The following DZIP1 variants were observed in gnomAD, a reference collection of about 807,000 sequenced individuals.
DZIP1 encodes DAZ interacting zinc finger protein 1, also known as cilium assembly protein DZIP1.
Under a neutral mutation model 107.6 loss-of-function variants are expected in DZIP1, and 97 were observed. That is an observed-to-expected ratio of 0.90 (90% confidence interval 0.77 to 1.07). The LOEUF (loss-of-function observed/expected upper bound fraction) is 1.07, where lower values mean the gene tolerates loss of function less well. Ranked by LOEUF, DZIP1 falls within the 50% of genes least tolerant of loss-of-function variation. The pLI is 0.00. For synonymous variants in DZIP1, 390 were observed against 386.4 expected (o/e 1.01, Z -0.11); for missense variants, 1,035 against 1,063.6 (o/e 0.97, Z 0.37).
At chr13:95,600,633 C>T (rs139781513) in intron 14 of DZIP1, among the ~76,000 whole-genome samples, 1,764 of 67,526 alleles carry the variant, frequency 0.026, 30 homozygotes, top group African/African-American at 0.082. Context: ...GATAGATAGA[C>T]AGACAGACAG....
intron 14 of DZIP1, among the ~76,000 whole-genome samples, chr13:95,605,411 C>T (rs1054298947): frequency 4.6e-5 from 7 of 152,190 alleles, no homozygotes; most frequent in African/African-American, 1.4e-4. Context: ...AAGTGAAATA[C>T]GGCTACAAAT....
chr13:95,584,535 TAATTA>T (rs2044100969), intron 22 of DZIP1, 196 bp downstream of exon 22: 1 of 1,041,072 alleles, frequency 9.6e-7, no homozygotes, highest in South Asian at 4.7e-5. Flanking sequence ...ATTAGTCCTA[TAATTA>T]AATAAAAATA....
intron 20 of DZIP1, among the ~76,000 whole-genome samples, chr13:95,587,279 T>G: frequency 6.6e-6 from 1 of 152,168 alleles, no homozygotes; most frequent in Non-Finnish European, 1.5e-5. Context: ...GCAAGAAGGT[T>G]GTGTTCCTTA....
rs1443375492 is a variant in DZIP1, at chr13:95,584,926, G to A, written c.2350-16C>T. 1.3e-6 allele frequency: 2 copies of A among 1,599,802 alleles called. No individual in the cohort carries two copies. Among genetic ancestry groups the A allele is most frequent in the African/African-American group, 2.7e-5 (2 of 74,202 alleles). ...CATCCGCACACTAAAAGAAAGGCAT[G>A]GAGAATAATTAATGTTGCTTAGAAA... On this transcript the variant is annotated splice_polypyrimidine_tract_variant and intron_variant, in intron 21 of 22. Coordinates refer to ENST00000376829, the MANE Select transcript of DZIP1 (RefSeq NM_198968.4).
chr13:95,587,411 C>T, intron 20 of DZIP1, 128 bp downstream of exon 20: 2 of 1,269,508 alleles, frequency 1.6e-6, no homozygotes, highest in Non-Finnish European at 1.1e-6. Flanking sequence ...TCCGTGGGTG[C>T]CTTTGGGATC....
Position 95,628,282 on chromosome 13 carries a change from A to G in DZIP1, c.810+1707T>C, listed in dbSNP as rs150969628. Among the ~76,000 whole-genome samples the G allele has an allele frequency of 9.0e-4, 137 of 152,188 alleles. 1 individual carries two copies. The highest frequency in any genetic ancestry group is 3.2e-3 in the African/African-American group (133 of 41,506). ...GGTCTTGAACTCCTGGGCTCGAGCAATCCTCCCATCTTGGCCTCCCAAAAT... is the reference window on the plus strand; with the variant it reads ...GGTCTTGAACTCCTGGGCTCGAGCAGTCCTCCCATCTTGGCCTCCCAAAAT... On this transcript the variant is annotated intron_variant, in intron 7 of 22. Coordinates refer to ENST00000376829, the MANE Select transcript of DZIP1 (RefSeq NM_198968.4).
At chr13:95,633,514 C>T (rs1289372745) in intron 5 of DZIP1, among the ~76,000 whole-genome samples, 193 bp from the exon 6 acceptor site, 2 of 151,796 alleles carry the variant, frequency 1.3e-5, no homozygotes, top group African/African-American at 4.8e-5. Context: ...GAAACCCCAT[C>T]TCCACAAAAA....
intron 6 of DZIP1, among the ~76,000 whole-genome samples, chr13:95,630,343 G>A (rs1295555422): frequency 6.6e-6 from 1 of 152,108 alleles, no homozygotes; most frequent in Non-Finnish European, 1.5e-5. Flanking sequence ...CTGTGTTGAG[G>A]TTGGATTATC....
Position 95,609,499 on chromosome 13 carries a change from A to T in DZIP1, c.1378T>A (p.Trp460Arg), listed in dbSNP as rs1270495848. ...ISEPKGNPLAWQAFESQPAAP... is the reference protein window; with the variant it reads ...ISEPKGNPLARQAFESQPAAP... ...GCTGGCTGAGATTCAAAAGCCTGCC[A>T]GGCTAAAGGATTTCCTGAAATGACA... Residue 460 changes from tryptophan to arginine, a missense_variant, in exon 13 of 23, where the codon TGG becomes AGG. Transcript: ENST00000376829. The T allele has an allele frequency of 2.5e-6, 4 of 1,586,896 alleles. No individual in the cohort carries two copies. Among genetic ancestry groups the T allele is most frequent in the Admixed American group, 1.8e-5 (1 of 55,092 alleles).
intron 5 of DZIP1, among the ~76,000 whole-genome samples, chr13:95,634,502 A>G (rs984613782): frequency 2.0e-5 from 3 of 152,266 alleles, no homozygotes; most frequent in African/African-American, 7.2e-5. Context: ...ATGAATGAAC[A>G]AAAGCTTGGA....
At position 95,578,769 on chromosome 13, in the gene DZIP1, C is replaced by T. The variant is rs985167368; in HGVS notation, c.*3465G>A. 1.3e-5 allele frequency: 2 copies of T among 152,184 alleles called. No homozygotes were observed. Among genetic ancestry groups the T allele is most frequent in the Admixed American group, 1.3e-4 (2 of 15,278 alleles). The allele number at this position is 152,184 out of a possible 1,614,324, so 9.4% of individuals were successfully genotyped here. On this transcript the variant is annotated 3_prime_UTR_variant, in exon 23 of 23. Coordinates refer to ENST00000376829, the MANE Select transcript of DZIP1 (RefSeq NM_198968.4). The stretch of plus-strand genomic sequence containing the variant: ...GTGAATATTTAGTTGTTTTCATAAA[C>T]GATGCTGTGATGAAGACTCATGTAC...
rs1250266868 is a variant in DZIP1 at position 95,590,285 on chromosome 13, A to T, written c.1837T>A (p.Ser613Thr). The T allele has an allele frequency of 1.2e-6, 2 of 1,607,926 alleles. No homozygotes were observed. Among genetic ancestry groups the T allele is most frequent in the Non-Finnish European group, 1.7e-6 (2 of 1,177,882 alleles). Residue 613 changes from serine to threonine, a missense_variant, in exon 17 of 23, where the codon TCT becomes ACT. Transcript: ENST00000376829. ...SCKIEEKALL[S>T]SDQCSVSQMD... ...CAGTGGGTAACAAGCTTACCTGAAGAGAGTAGTGCTTTCTCCTCAATTTTA... is the reference window on the plus strand; with the variant it reads ...CAGTGGGTAACAAGCTTACCTGAAGTGAGTAGTGCTTTCTCCTCAATTTTA...
chr13:95,636,153 T>A (rs1877780626), intron 5 of DZIP1, among the ~76,000 whole-genome samples: 1 of 151,580 alleles, frequency 6.6e-6, no homozygotes, highest in Non-Finnish European at 1.5e-5. Context: ...AATGATATGA[T>A]TTTTTAAAAA....
intron 10 of DZIP1, among the ~76,000 whole-genome samples, 186 bp downstream of exon 10, chr13:95,619,699 A>AG (rs1282215486): frequency 1.3e-5 from 2 of 152,070 alleles, no homozygotes; most frequent in African/African-American, 4.8e-5. Context: ...AAAAAAAAAA[A>AG]GAAAACAAAT....
At chr13:95,598,831 T>G (rs2044532730) in intron 15 of DZIP1, among the ~76,000 whole-genome samples, 2 of 152,142 alleles carry the variant, frequency 1.3e-5, no homozygotes, top group Non-Finnish European at 2.9e-5. Flanking sequence ...GAGTAAGCAG[T>G]AATAATTATC....
At chr13:95,592,697 A>T (rs1031477987) in intron 16 of DZIP1, among the ~76,000 whole-genome samples, 3 of 152,242 alleles carry the variant, frequency 2.0e-5, no homozygotes, top group South Asian at 2.1e-4. Context: ...ATTAATAGCC[A>T]AGAAGAGCCC....
At chr13:95,595,003 C>G (rs1460009815) in intron 15 of DZIP1, among the ~76,000 whole-genome samples, 3 of 152,196 alleles carry the variant, frequency 2.0e-5, no homozygotes, top group Non-Finnish European at 4.4e-5. Flanking sequence ...TTTGGCAGTT[C>G]AGACCCTTAC....
At chr13:95,603,932 C>T (rs1170029544) in intron 14 of DZIP1, among the ~76,000 whole-genome samples, 2 of 152,216 alleles carry the variant, frequency 1.3e-5, no homozygotes, top group Non-Finnish European at 1.5e-5. Context: ...GAGTCCCTTC[C>T]AGGCTGCTTT....
intron 15 of DZIP1, among the ~76,000 whole-genome samples, chr13:95,595,768 T>C (rs1008119176): frequency 6.6e-6 from 1 of 152,124 alleles, no homozygotes; most frequent in African/African-American, 2.4e-5. Context: ...TCTCAGATAA[T>C]GAAGGACGTA....
Sources: gnomAD v4.1 joint callset for allele counts (sites outside exome capture counted in the v4.1 genomes callset) on GRCh38, gnomAD v4.1.1 for gene constraint, MANE v1.5 for transcripts, NCBI Gene and HGNC (gene_info 2026-07-23, HGNC 2026-07-21) for gene names.